Variants in RIMS2 observed in about 807,000 individuals in gnomAD.
The protein encoded by RIMS2 is regulating synaptic membrane exocytosis 2.
In RIMS2, 59 loss-of-function variants were observed where a neutral mutation model predicts 174.4. That is an observed-to-expected ratio of 0.34 (90% CI 0.27 to 0.42). RIMS2 has a LOEUF of 0.42. RIMS2 is among the 10% of genes least tolerant of loss of function. The probability of loss-of-function intolerance (pLI) is 1.00; values close to 1 mark genes in which losing one functional copy is unlikely to be tolerated. For missense variants in RIMS2, 1,620 were observed against 1,666.3 expected (o/e 0.97, Z 0.48); for synonymous variants, 606 against 572.5 (o/e 1.06, Z -0.84).
intron 17 of RIMS2, among the ~76,000 whole-genome samples, chr8:104,012,984 T>C (rs2095807461): frequency 3.9e-5 from 6 of 152,168 alleles, no homozygotes; most frequent in Admixed American, 3.9e-4. Flanking sequence ...TGTTTAAATG[T>C]TCAGGTGTAT....
intron 1 of RIMS2, among the ~76,000 whole-genome samples, chr8:103,612,959 A>C (rs2134270470): frequency 6.6e-6 from 1 of 152,280 alleles, no homozygotes; most frequent in Middle Eastern, 3.4e-3. Context: ...GTGTTGATGC[A>C]AGCACTCTTG....
intron 2 of RIMS2, among the ~76,000 whole-genome samples, chr8:103,709,358 T>C (rs1477752926): frequency 7.4e-6 from 1 of 135,612 alleles, no homozygotes; most frequent in African/African-American, 2.8e-5. Flanking sequence ...TTTTTTTTTG[T>C]ACTTTTTTCA....
At chr8:103,785,698 C>A (rs2098437104) in intron 3 of RIMS2, among the ~76,000 whole-genome samples, 1 of 152,230 alleles carries the variant, frequency 6.6e-6, no homozygotes, top group African/African-American at 2.4e-5. Flanking sequence ...ATTTTTGCAT[C>A]AATGTTCATC....
intron 2 of RIMS2, among the ~76,000 whole-genome samples, chr8:103,757,203 T>A (rs900028463): frequency 2.0e-5 from 3 of 152,184 alleles, no homozygotes; most frequent in Non-Finnish European, 2.9e-5. Context: ...TTTGTAGATA[T>A]CCTTTATTAG....
At chr8:104,055,197 C>G (rs181441118) in intron 19 of RIMS2, among the ~76,000 whole-genome samples, 2 of 151,896 alleles carry the variant, frequency 1.3e-5, no homozygotes, top group African/African-American at 4.8e-5. Context: ...TTAATACTCT[C>G]AAAAATATTC....
rs138062770 is a variant in RIMS2, at chr8:103,971,868, G to A, written c.2771-3482G>A. ...TTAGAGGTATGAGCCACCACAGCTG[G>A]CCAGTAGTATACTCTGACTTCCTAA... is the stretch of plus-strand genomic sequence containing the variant. On this transcript the variant is annotated intron_variant, in intron 15 of 23. Transcript: ENST00000504942. 3.0e-3 allele frequency among the ~76,000 whole-genome samples: 463 copies of A among 152,264 alleles called. 2 individuals carry two copies. The highest frequency in any genetic ancestry group is 0.01 in the African/African-American group (430 of 41,550).
At chr8:103,876,907 T>TACACAC (rs199688639) in intron 3 of RIMS2, among the ~76,000 whole-genome samples, 6 of 48,430 alleles carry the variant, frequency 1.2e-4, no homozygotes, top group Non-Finnish European at 2.0e-4. Flanking sequence ...TATATATATA[T>TACACAC]ATACACACAC....
chr8:104,239,267 C>T (rs2099274571), intron 19 of RIMS2, among the ~76,000 whole-genome samples: 1 of 152,138 alleles, frequency 6.6e-6, no homozygotes, highest in Non-Finnish European at 1.5e-5. Flanking sequence ...TTTGTTTAAT[C>T]AAATGGCTTT....
intron 3 of RIMS2, among the ~76,000 whole-genome samples, chr8:103,807,808 T>C (rs761845588): frequency 7.2e-5 from 11 of 152,124 alleles, no homozygotes; most frequent in Non-Finnish European, 1.3e-4. Context: ...TCACATTTGG[T>C]GCTTAAACAC....
chr8:103,756,369 TTTG>T (rs199947976), intron 2 of RIMS2, among the ~76,000 whole-genome samples: 2,604 of 149,664 alleles, frequency 0.017, 61 homozygotes, highest in African/African-American at 0.057. Flanking sequence ...GGGAGAGTTT[TTTG>T]TTGTTGTTGT....
intron 3 of RIMS2, among the ~76,000 whole-genome samples, chr8:103,795,326 C>G (rs2098541014): frequency 6.6e-6 from 1 of 151,656 alleles, no homozygotes; most frequent in African/African-American, 2.4e-5. Context: ...AGCAAACTGT[C>G]GCAAGGACAG....
chr8:104,086,326 T>C (rs1169141284), intron 19 of RIMS2, among the ~76,000 whole-genome samples: 2 of 150,780 alleles, frequency 1.3e-5, no homozygotes, highest in African/African-American at 2.4e-5. Flanking sequence ...GCTTAAGAGT[T>C]GTTGATTCTC....
chr8:103,628,589 G>A (rs1448486150), intron 1 of RIMS2, among the ~76,000 whole-genome samples: 2 of 151,756 alleles, frequency 1.3e-5, no homozygotes, highest in African/African-American at 2.4e-5. Flanking sequence ...CCTGACCTCA[G>A]GTGATCTGCC....
intron 2 of RIMS2, among the ~76,000 whole-genome samples, chr8:103,741,444 A>T (rs1564468857): frequency 6.6e-6 from 1 of 152,118 alleles, no homozygotes. Flanking sequence ...AATTATTTTT[A>T]ATTATATATC....
chr8:104,148,541 A>C, intron 19 of RIMS2, 66 bp from the exon 25 acceptor site: 2 of 1,404,526 alleles, frequency 1.4e-6, no homozygotes, highest in Non-Finnish European at 1.9e-6. Flanking sequence ...TGTTTTATCT[A>C]AAATGCATTT....
intron 19 of RIMS2, among the ~76,000 whole-genome samples, chr8:104,014,997 C>G (rs1313779793): frequency 6.6e-6 from 1 of 152,116 alleles, no homozygotes; most frequent in African/African-American, 2.4e-5. Context: ...GACTGGTTAG[C>G]TGATGCACAA....
intron 3 of RIMS2, among the ~76,000 whole-genome samples, chr8:103,785,930 T>A (rs2098439367): frequency 6.6e-6 from 1 of 152,246 alleles, no homozygotes; most frequent in Non-Finnish European, 1.5e-5. Flanking sequence ...AGCTATTGAT[T>A]ATTGCCACAA....
At chr8:104,075,520 G>A (rs989542864) in intron 19 of RIMS2, among the ~76,000 whole-genome samples, 1 of 152,194 alleles carries the variant, frequency 6.6e-6, no homozygotes, top group African/African-American at 2.4e-5. Context: ...GCCAAGTCAA[G>A]TAATCTTATC....
chr8:104,175,396 A>G (rs2098878516), intron 19 of RIMS2, among the ~76,000 whole-genome samples: 1 of 152,158 alleles, frequency 6.6e-6, no homozygotes, highest in Non-Finnish European at 1.5e-5. Flanking sequence ...TGTAACAATC[A>G]TATCAGGGTA....
Sources: allele counts gnomAD v4.1 joint callset (sites outside exome capture counted in the v4.1 genomes callset), GRCh38; gene constraint gnomAD v4.1.1; transcripts MANE v1.5; gene names NCBI Gene and HGNC (gene_info 2026-07-23, HGNC 2026-07-21).